Variants in HIRA observed in about 807,000 individuals in gnomAD.
The protein encoded by HIRA is protein HIRA.
In HIRA, 13 loss-of-function variants were observed where a neutral mutation model predicts 126.6. The ratio of observed to expected loss-of-function variants is 0.10; its 90% CI spans 0.07 to 0.16. HIRA has a LOEUF of 0.16. Among genes scored for constraint, HIRA ranks in the 10% least tolerant of loss-of-function variants. The probability of loss-of-function intolerance (pLI) is 1.00; values close to 1 mark genes in which losing one functional copy is unlikely to be tolerated. For synonymous variants in HIRA, 511 were observed against 520.0 expected, an observed-to-expected ratio of 0.98 and a Z score of 0.24; for missense variants, 834 against 1,314.4, an observed-to-expected ratio of 0.63 and a Z score of 5.65.
At chr22:19,339,635 CAA>C (rs147574342) in intron 24 of HIRA, among the ~76,000 whole-genome samples, 12 of 68,590 alleles carry the variant, frequency 1.7e-4, no homozygotes, top group Non-Finnish European at 1.8e-4. Context: ...GACTCCGTCT[CAA>C]AAAAAAAAAA....
intron 13 of HIRA, among the ~76,000 whole-genome samples, chr22:19,382,992 A>C (rs2089090392): frequency 6.6e-6 from 1 of 152,002 alleles, no homozygotes; most frequent in Non-Finnish European, 1.5e-5. Context: ...GAGCTCAAAG[A>C]CTCATTTATA....
chr22:19,392,452 T>C (rs780065571), intron 8 of HIRA, among the ~76,000 whole-genome samples: 6 of 152,214 alleles, frequency 3.9e-5, no homozygotes, highest in Non-Finnish European at 8.8e-5. Flanking sequence ...AAATGCAGAT[T>C]TGAAACTAGA....
At chr22:19,391,379 A>C (rs1444459494) in intron 9 of HIRA, among the ~76,000 whole-genome samples, 3 of 152,152 alleles carry the variant, frequency 2.0e-5, no homozygotes, top group African/African-American at 4.8e-5. Flanking sequence ...AGGGACAAAA[A>C]GGAGTGCTCT....
intron 15 of HIRA, among the ~76,000 whole-genome samples, chr22:19,374,658 A>G (rs2089000786): frequency 6.6e-6 from 1 of 152,198 alleles, no homozygotes; most frequent in Non-Finnish European, 1.5e-5. Flanking sequence ...CAGAGGTAGC[A>G]TGCTGTGGCT....
chr22:19,348,830 CTT>C (rs1343426699), intron 24 of HIRA, among the ~76,000 whole-genome samples: 2 of 151,310 alleles, frequency 1.3e-5, no homozygotes, highest in Non-Finnish European at 2.9e-5. Context: ...GAGTTTCGCT[CTT>C]GTCGCCCAGG....
chr22:19,415,243 AC>A (rs1288526890), intron 1 of HIRA, among the ~76,000 whole-genome samples: 4 of 152,230 alleles, frequency 2.6e-5, no homozygotes, highest in African/African-American at 9.6e-5. Flanking sequence ...GTTGCAGGAT[AC>A]AAAATCAACA....
chr22:19,389,538 C>A (rs564886970), intron 9 of HIRA, among the ~76,000 whole-genome samples: 1 of 152,250 alleles, frequency 6.6e-6, no homozygotes, highest in Non-Finnish European at 1.5e-5. Flanking sequence ...TGTGTCTACC[C>A]TAGTGGTGGA....
In HIRA at chr22:19,431,614, G is replaced by C; in HGVS notation, c.-138C>G. The C allele has an allele frequency of 1.2e-6, 1 of 823,546 alleles. No homozygotes were observed. The highest frequency in any genetic ancestry group is 1.5e-6 in the Non-Finnish European group (1 of 682,968). 51.0% of individuals were successfully genotyped at this position (823,546 alleles called of 1,614,324 possible). ...CCCGCCCCGCGCCCTCAGGGCCGCC[G>C]CGCCATCGCCGGCCCGCGCCCCCCT... On this transcript the variant is annotated 5_prime_UTR_variant, in exon 1 of 25. Transcript: ENST00000263208.
chr22:19,410,827 T>C (rs751948753), intron 1 of HIRA, 49 bp from the exon 2 acceptor site: 5 of 1,427,846 alleles, frequency 3.5e-6, no homozygotes, highest in South Asian at 2.3e-5. Context: ...CTTTTATTCA[T>C]TGAAGTGTAT....
At chr22:19,401,883 C>T (rs529183683) in intron 5 of HIRA, among the ~76,000 whole-genome samples, 19 of 152,282 alleles carry the variant, frequency 1.2e-4, no homozygotes, top group South Asian at 4.1e-4. Flanking sequence ...AACTCCTCTG[C>T]CTAGATCCCT....
intron 23 of HIRA, 114 bp downstream of exon 23, chr22:19,353,242 G>A: frequency 2.3e-6 from 3 of 1,293,556 alleles, no homozygotes; most frequent in Non-Finnish European, 3.3e-6. Flanking sequence ...CAGGCTGGGA[G>A]GTAGAGGCTG....
chr22:19,383,544 T>C, intron 13 of HIRA, 76 bp downstream of exon 13: 1 of 1,190,036 alleles, frequency 8.4e-7, no homozygotes, highest in Non-Finnish European at 1.2e-6. Flanking sequence ...AGATCCTCAC[T>C]GTGAAAGTGT....
In HIRA at chr22:19,396,345, A is replaced by T. The variant is rs942524309; in HGVS notation, c.654+442T>A. Among the ~76,000 whole-genome samples the T allele has an allele frequency of 4.6e-5, 7 of 152,254 alleles. No homozygotes were observed. The East Asian group carries it at 1.4e-3, about 29-fold the overall frequency. ...AGCCTGGCCAACATGGCGAAACCGC[A>T]TCTCTGTTAAAAATACAAAAATTAG... On this transcript the variant is annotated intron_variant, in intron 7 of 24. Coordinates refer to ENST00000263208, the MANE Select transcript of HIRA (RefSeq NM_003325.4).
At chr22:19,414,560 A>G (rs1357612057) in intron 1 of HIRA, among the ~76,000 whole-genome samples, 1 of 152,248 alleles carries the variant, frequency 6.6e-6, no homozygotes, top group African/African-American at 2.4e-5. Context: ...TCCTTTTGGA[A>G]TGAAGCTTGG....
At chr22:19,375,144 T>G (rs1049615782) in intron 15 of HIRA, among the ~76,000 whole-genome samples, 9 of 152,230 alleles carry the variant, frequency 5.9e-5, no homozygotes, top group African/African-American at 2.2e-4. Context: ...ATAAGCAGCA[T>G]AGTGTCCACA....
chr22:19,415,409 A>C (rs376844323), intron 1 of HIRA, among the ~76,000 whole-genome samples: 76 of 152,346 alleles, frequency 5.0e-4, no homozygotes, highest in African/African-American at 1.7e-3. Flanking sequence ...AAACTATAAA[A>C]TATAAAACAC....
intron 5 of HIRA, 127 bp from the exon 6 acceptor site, chr22:19,398,214 A>G: frequency 1.5e-6 from 1 of 656,808 alleles, no homozygotes; most frequent in Non-Finnish European, 2.7e-6. Context: ...CAACCTGAAA[A>G]AACTCCCCCC....
intron 21 of HIRA, 59 bp downstream of exon 21, chr22:19,355,701 G>T: frequency 7.9e-7 from 1 of 1,263,176 alleles, no homozygotes; most frequent in Non-Finnish European, 1.2e-6. Context: ...CCTTTGCTCT[G>T]CTGTCTAGAG....
intron 1 of HIRA, among the ~76,000 whole-genome samples, chr22:19,427,992 A>G (rs1034980210): frequency 3.9e-5 from 6 of 152,256 alleles, no homozygotes; most frequent in African/African-American, 1.4e-4. Context: ...GTATGTATGA[A>G]CAATAACTGA....
Sources: gnomAD v4.1 joint callset for allele counts (sites outside exome capture counted in the v4.1 genomes callset) on GRCh38, gnomAD v4.1.1 for gene constraint, MANE v1.5 for transcripts, NCBI Gene and HGNC (gene_info 2026-07-23, HGNC 2026-07-21) for gene names.